Variants in MAGI1 observed in about 807,000 individuals in gnomAD.
MAGI1 encodes the protein membrane associated guanylate kinase, WW and PDZ domain containing 1, also known as membrane-associated guanylate kinase, WW and PDZ domain-containing protein 1.
A neutral mutation model predicts 139.9 loss-of-function variants in MAGI1; 58 were observed. That is an observed-to-expected ratio of 0.41 (90% confidence interval 0.34 to 0.52). MAGI1 has a LOEUF of 0.52. MAGI1 is among the 20% of genes least tolerant of loss of function. MAGI1 has a pLI of 0.12. For synonymous variants in MAGI1, 812 were observed against 737.9 expected, an observed-to-expected ratio of 1.10 and a Z score of -1.63; for missense variants, 1,874 against 1,901.6, an observed-to-expected ratio of 0.99 and a Z score of 0.27.
intron 1 of MAGI1, among the ~76,000 whole-genome samples, chr3:65,881,012 A>G (rs1047308237): frequency 4.6e-5 from 7 of 151,472 alleles, no homozygotes; most frequent in Non-Finnish European, 1.0e-4. Context: ...GGCTCAAGCG[A>G]TCTTCCCGCC....
chr3:65,905,639 C>T (rs567233820), intron 1 of MAGI1, among the ~76,000 whole-genome samples: 1 of 152,232 alleles, frequency 6.6e-6, no homozygotes, highest in African/African-American at 2.4e-5. Flanking sequence ...ATTACTATTA[C>T]ATTTCTAAAT....
At chr3:65,921,625 T>G (rs1469757177) in intron 1 of MAGI1, among the ~76,000 whole-genome samples, 1 of 152,102 alleles carries the variant, frequency 6.6e-6, no homozygotes, top group Non-Finnish European at 1.5e-5. Context: ...ATAATTTTCT[T>G]AAGATCTTTA....
At chr3:65,840,412 A>G (rs1256570479) in intron 1 of MAGI1, among the ~76,000 whole-genome samples, 1 of 152,228 alleles carries the variant, frequency 6.6e-6, no homozygotes, top group Non-Finnish European at 1.5e-5. Context: ...TAGATACTCC[A>G]TATTGAGTTT....
intron 13 of MAGI1, among the ~76,000 whole-genome samples, chr3:65,399,571 A>G (rs533999374): frequency 1.3e-5 from 2 of 152,332 alleles, no homozygotes; most frequent in East Asian, 3.9e-4. Context: ...TTTCTAACCC[A>G]GCAACACATC....
chr3:65,688,246 C>G, intron 1 of MAGI1: 1 of 833,550 alleles, frequency 1.2e-6, no homozygotes, highest in African/African-American at 1.7e-5. Context: ...ACAGCCCAGA[C>G]TCTGGTCTGA....
chr3:65,980,564 C>CAAA (rs11410142), intron 1 of MAGI1, among the ~76,000 whole-genome samples: 17 of 127,668 alleles, frequency 1.3e-4, no homozygotes, highest in Non-Finnish European at 1.4e-4. Context: ...GACTCCATCT[C>CAAA]AAAAAAAAAA....
intron 1 of MAGI1, among the ~76,000 whole-genome samples, chr3:65,677,946 G>A (rs573580446): frequency 9.9e-5 from 15 of 152,268 alleles, no homozygotes; most frequent in African/African-American, 3.6e-4. Flanking sequence ...TGATAGACTG[G>A]ATAAAGACAA....
intron 1 of MAGI1, among the ~76,000 whole-genome samples, chr3:65,917,382 C>A (rs565575550): frequency 6.6e-6 from 1 of 152,326 alleles, no homozygotes; most frequent in South Asian, 2.1e-4. Context: ...CTTTGGAAGA[C>A]AGTTTGGCAG....
chr3:65,584,704 A>G (rs946666078), intron 2 of MAGI1, among the ~76,000 whole-genome samples: 1 of 152,226 alleles, frequency 6.6e-6, no homozygotes, highest in African/African-American at 2.4e-5. Context: ...ACTAAAATAA[A>G]TGGAAAATGT....
chr3:65,622,112 C>T (rs2083703743), intron 1 of MAGI1, 24 bp from the exon 2 acceptor site: 1 of 1,494,226 alleles, frequency 6.7e-7, no homozygotes, highest in Non-Finnish European at 9.3e-7. Flanking sequence ...ATAAAATAGA[C>T]ATACCACATC....
At chr3:65,852,778 C>T (rs2059248015) in intron 1 of MAGI1, among the ~76,000 whole-genome samples, 1 of 151,748 alleles carries the variant, frequency 6.6e-6, no homozygotes, top group Non-Finnish European at 1.5e-5. Context: ...ACTTGGATTA[C>T]AGGCGTGAGC....
chr3:65,958,971 A>G (rs2064272559), intron 1 of MAGI1, among the ~76,000 whole-genome samples: 1 of 151,466 alleles, frequency 6.6e-6, no homozygotes, highest in Non-Finnish European at 1.5e-5. Flanking sequence ...TGGCCAACTG[A>G]GTGAGACTGT....
Position 65,430,049 on chromosome 3 carries a change from G to A in MAGI1, c.1638C>T (p.Ala546=). The part of the protein sequence containing the change: ...VKIFQSIPIG[A]SVDLELCRGY... Reference sequence around the variant, plus strand: ...CTCGGCAGAGTTCAAGGTCCACGCTGGCACCAATGGGGATGGACTGGAAGA... The same window carrying A: ...CTCGGCAGAGTTCAAGGTCCACGCTAGCACCAATGGGGATGGACTGGAAGA... Residue 546 remains alanine (A), a synonymous_variant, in exon 12 of 23, where the codon GCC becomes GCT. Transcript: ENST00000402939. 1 of 1,613,854 alleles carries A rather than the reference G, an allele frequency of 6.2e-7. No homozygotes were observed. Among genetic ancestry groups the A allele is most frequent in the Non-Finnish European group, 8.5e-7 (1 of 1,179,918 alleles).
intron 1 of MAGI1, among the ~76,000 whole-genome samples, chr3:65,965,417 G>A (rs989738968): frequency 6.6e-6 from 1 of 152,194 alleles, no homozygotes; most frequent in Non-Finnish European, 1.5e-5. Context: ...CCATAAAAAT[G>A]AAGTAACTAA....
At chr3:65,895,852 T>C (rs975965589) in intron 1 of MAGI1, among the ~76,000 whole-genome samples, 21 of 152,338 alleles carry the variant, frequency 1.4e-4, no homozygotes, top group African/African-American at 5.1e-4. Context: ...CAAAAGAATA[T>C]TCAACTATAG....
intron 2 of MAGI1, among the ~76,000 whole-genome samples, chr3:65,505,077 C>A (rs895614245): frequency 1.3e-5 from 2 of 152,080 alleles, no homozygotes; most frequent in East Asian, 3.9e-4. Flanking sequence ...ATTCAGGAAA[C>A]CAGTAACGCT....
rs2063304652 is a variant in MAGI1 at position 65,941,325 on chromosome 3, T to G, written c.313+96671A>C. Among the ~76,000 whole-genome samples the G allele has an allele frequency of 2.7e-5, 4 of 150,806 alleles. No individual in the cohort carries two copies. In the South Asian group the frequency reaches 8.4e-4, roughly 32 times the overall value. ...TTGAGCCACTGCACTCCAGCCTAGG[T>G]GACACAGCAAGACTCCGTCTCAAAA... is the stretch of plus-strand genomic sequence containing the variant. On this transcript the variant is annotated intron_variant, in intron 1 of 22. Coordinates refer to ENST00000402939, the MANE Select transcript of MAGI1 (RefSeq NM_001033057.2).
chr3:65,743,770 ATTAT>A (rs1421876049), intron 1 of MAGI1, among the ~76,000 whole-genome samples: 1 of 152,020 alleles, frequency 6.6e-6, no homozygotes, highest in Non-Finnish European at 1.5e-5. Context: ...TGTTAAAGTA[ATTAT>A]TTATTTTTTC....
At chr3:65,535,493 G>A (rs2078922495) in intron 2 of MAGI1, among the ~76,000 whole-genome samples, 1 of 152,186 alleles carries the variant, frequency 6.6e-6, no homozygotes. Context: ...TAAAGTTTGT[G>A]TTCAAGAAAA....
Sources: allele counts gnomAD v4.1 joint callset (sites outside exome capture counted in the v4.1 genomes callset), GRCh38; gene constraint gnomAD v4.1.1; transcripts MANE v1.5; gene names NCBI Gene and HGNC (gene_info 2026-07-23, HGNC 2026-07-21).